PDCD1LG2: variants seen among roughly 807,000 people sequenced by gnomAD.
PDCD1LG2 encodes programmed cell death 1 ligand 2, also known as B7 dendritic cell molecule.
PDCD1LG2 carries 32 observed loss-of-function variants against 28.2 expected under a neutral mutation model. That is an observed-to-expected ratio of 1.13 (90% CI 0.86 to 1.52). The LOEUF is 1.52. Among genes scored for constraint, PDCD1LG2 ranks in the 40% most tolerant of loss-of-function variants. The pLI is 0.00. For synonymous variants in PDCD1LG2, 116 were observed against 120.2 expected (o/e 0.97, Z 0.23); for missense variants, 385 against 323.8 (o/e 1.19, Z -1.45).
At chr9:5,525,316 G>A (rs1363760642) in intron 2 of PDCD1LG2, among the ~76,000 whole-genome samples, 1 of 148,674 alleles carries the variant, frequency 6.7e-6, no homozygotes, top group Non-Finnish European at 1.5e-5. Context: ...CTGTATTCCA[G>A]CCTGGGTGAC....
chr9:5,541,094 CAG>C (rs533928200), intron 3 of PDCD1LG2, among the ~76,000 whole-genome samples: 24 of 152,100 alleles, frequency 1.6e-4, no homozygotes, highest in Non-Finnish European at 2.9e-4. Context: ...ACCACACAAA[CAG>C]AATTAAAAAC....
At chr9:5,540,114 G>A (rs1352363299) in intron 3 of PDCD1LG2, among the ~76,000 whole-genome samples, 2 of 152,082 alleles carry the variant, frequency 1.3e-5, no homozygotes, top group Non-Finnish European at 2.9e-5. Flanking sequence ...GCAATTACAT[G>A]GAAGTTAAAT....
In PDCD1LG2 at chr9:5,557,702, C is replaced by A. The variant is rs1325587027; in HGVS notation, c.716C>A (p.Thr239Lys). 1 of 1,613,878 alleles carries A rather than the reference C, an allele frequency of 6.2e-7. No homozygotes were observed. Among genetic ancestry groups the A allele is most frequent in the African/African-American group, 1.3e-5 (1 of 75,032 alleles). The stretch of plus-strand genomic sequence containing the variant: ...ATCATTGCTTTCATTTTCATAGCCA[C>A]AGTGATAGCCCTAAGAAAACAACTC... ...FCIIAFIFIATVIALRKQLCQ... is the reference protein window; with the variant it reads ...FCIIAFIFIAKVIALRKQLCQ... Residue 239 changes from threonine to lysine, a missense_variant, in exon 5 of 7, where the codon ACA (threonine) becomes AAA (lysine). Thr to Lys is a moderately conservative substitution (Grantham distance 78). Transcript: ENST00000397747.
At chr9:5,555,217 A>G (rs556850537) in intron 4 of PDCD1LG2, among the ~76,000 whole-genome samples, 4 of 152,266 alleles carry the variant, frequency 2.6e-5, no homozygotes, top group African/African-American at 7.2e-5. Flanking sequence ...GAGTTCAAAA[A>G]TCAGCCTGGC....
At chr9:5,518,755 C>T (rs779716321) in intron 1 of PDCD1LG2, among the ~76,000 whole-genome samples, 22 of 152,132 alleles carry the variant, frequency 1.4e-4, no homozygotes, top group Admixed American at 3.9e-4. Flanking sequence ...AGAGAGTTGC[C>T]TATATTTGTT....
intron 2 of PDCD1LG2, among the ~76,000 whole-genome samples, chr9:5,524,067 T>C (rs1228202069): frequency 6.6e-6 from 1 of 152,250 alleles, no homozygotes; most frequent in East Asian, 1.9e-4. Flanking sequence ...TTACATTTAT[T>C]GAAGATTCAC....
chr9:5,527,217 A>G (rs1820396993), intron 2 of PDCD1LG2, among the ~76,000 whole-genome samples: 1 of 152,220 alleles, frequency 6.6e-6, no homozygotes, highest in Non-Finnish European at 1.5e-5. Flanking sequence ...AAAAAGTCTT[A>G]TGAATTTTAA....
chr9:5,551,876 C>T (rs1816340995), intron 4 of PDCD1LG2, among the ~76,000 whole-genome samples: 1 of 152,180 alleles, frequency 6.6e-6, no homozygotes, highest in Non-Finnish European at 1.5e-5. Context: ...GGGAGGCAGC[C>T]ACAATCTCTG....
chr9:5,565,044 G>A (rs1347990636), intron 6 of PDCD1LG2, among the ~76,000 whole-genome samples: 1 of 152,156 alleles, frequency 6.6e-6, no homozygotes, highest in Non-Finnish European at 1.5e-5. Context: ...TTATAGGTGA[G>A]GAAGAAAAAC....
chr9:5,537,562 A>G (rs1243734218), intron 3 of PDCD1LG2, among the ~76,000 whole-genome samples: 1 of 152,256 alleles, frequency 6.6e-6, no homozygotes, highest in Non-Finnish European at 1.5e-5. Context: ...AAAAATGATG[A>G]GTTCATGTCC....
rs528887596 is a variant in PDCD1LG2, at chr9:5,528,730, G to C, written c.56-6015G>C. ...TTATTGTTTATTTTCTTATTGTAAG[G>C]TTTTAAAAATTCTCTATTTTTTTGA... On this transcript the variant is annotated intron_variant, in intron 2 of 6. Transcript: ENST00000397747. 2.6e-5 allele frequency among the ~76,000 whole-genome samples: 4 copies of C among 152,186 alleles called. No individual in the cohort carries two copies. In the East Asian group the frequency reaches 7.7e-4, roughly 29 times the overall value.
rs146055366 is a variant in PDCD1LG2 at position 5,540,364 on chromosome 9, A to G, written c.361+5314A>G. On this transcript the variant is annotated intron_variant, in intron 3 of 6. Transcript: ENST00000397747. ...AACAATCCAAACCCAAACCCAGCAG[A>G]AGAAAAGAAATTACAAAGATCAGGG... 3.1e-3 allele frequency among the ~76,000 whole-genome samples: 475 copies of G among 152,328 alleles called. 2 individuals are homozygous for G. Among genetic ancestry groups the G allele is most frequent in the African/African-American group, 9.9e-3 (412 of 41,588 alleles).
At chr9:5,525,339 C>A in intron 2 of PDCD1LG2, among the ~76,000 whole-genome samples, 2 of 122,712 alleles carry the variant, frequency 1.6e-5, no homozygotes, top group South Asian at 2.7e-4. Context: ...AGTGAGATTC[C>A]ATTTAAAAAA....
intron 1 of PDCD1LG2, among the ~76,000 whole-genome samples, chr9:5,522,280 T>C (rs1010638326): frequency 2.6e-5 from 4 of 152,236 alleles, no homozygotes; most frequent in Non-Finnish European, 5.9e-5. Context: ...GACTGGTTCA[T>C]ATTCAGAAAC....
intron 6 of PDCD1LG2, among the ~76,000 whole-genome samples, chr9:5,565,174 T>C (rs1320406921): frequency 6.6e-6 from 1 of 152,196 alleles, no homozygotes; most frequent in Non-Finnish European, 1.5e-5. Flanking sequence ...ACTCTGCTTT[T>C]TTAAAATTTA....
chr9:5,534,647 T>G, intron 2 of PDCD1LG2, 98 bp from the exon 3 acceptor site: 1 of 1,121,094 alleles, frequency 8.9e-7, no homozygotes, highest in East Asian at 2.5e-5. Context: ...AGGTGCCTTT[T>G]GGAAAATGGG....
intron 6 of PDCD1LG2, among the ~76,000 whole-genome samples, chr9:5,565,234 G>A (rs1473011920): frequency 2.0e-5 from 3 of 152,174 alleles, no homozygotes; most frequent in African/African-American, 7.2e-5. Context: ...CCAGGTTGGA[G>A]TGCAGTGGTA....
chr9:5,541,849 A>G (rs928425821), intron 3 of PDCD1LG2, among the ~76,000 whole-genome samples: 2 of 152,164 alleles, frequency 1.3e-5, no homozygotes, highest in African/African-American at 4.8e-5. Flanking sequence ...ATATGGAACC[A>G]AAAAAGAGCC....
chr9:5,541,683 A>C (rs1820689129), intron 3 of PDCD1LG2, among the ~76,000 whole-genome samples: 1 of 152,150 alleles, frequency 6.6e-6, no homozygotes, highest in Non-Finnish European at 1.5e-5. Flanking sequence ...ACACAAACAA[A>C]TGGAAACACA....
Sources: allele counts gnomAD v4.1 joint callset (sites outside exome capture counted in the v4.1 genomes callset), GRCh38; gene constraint gnomAD v4.1.1; transcripts MANE v1.5; gene names NCBI Gene and HGNC (gene_info 2026-07-23, HGNC 2026-07-21).